GRHPR: variants seen among roughly 807,000 people sequenced by gnomAD.
GRHPR encodes glyoxylate and hydroxypyruvate reductase, also known as glyoxylate reductase/hydroxypyruvate reductase.
GRHPR carries 35 observed loss-of-function variants against 36.8 expected under a neutral mutation model. The observed-to-expected ratio is 0.95, with a 90% CI of 0.73 to 1.26. The LOEUF is 1.26. Among genes scored for constraint, GRHPR ranks in the 50% most tolerant of loss-of-function variants. GRHPR has a pLI of 0.00. For synonymous variants in GRHPR, 179 were observed against 181.0 expected (o/e 0.99, Z 0.09); for missense variants, 380 against 435.0 (o/e 0.87, Z 1.12).
chr9:37,426,208 T>G (rs1823068879), intron 3 of GRHPR: 1 of 609,078 alleles, frequency 1.6e-6, no homozygotes, highest in Non-Finnish European at 2.9e-6. Flanking sequence ...TGGCACCCTT[T>G]CACATTCATT....
intron 8 of GRHPR, chr9:37,434,359 T>A (rs1277035712): frequency 4.1e-6 from 2 of 484,262 alleles, no homozygotes; most frequent in Non-Finnish European, 3.7e-6. Flanking sequence ...GCGGCCCCTG[T>A]GGGGAACAAT....
Position 37,430,583 on chromosome 9 carries a change from G to A in GRHPR, c.671G>A (p.Gly224Glu). 1.2e-6 allele frequency: 2 copies of A among 1,613,616 alleles called. No individual in the cohort carries two copies. The highest frequency in any genetic ancestry group is 1.7e-6 in the Non-Finnish European group (2 of 1,179,508). ...VACSLTPATE[G>E]LCNKDFFQKM... ...TGCTCCTTAACACCTGCAACCGAGGGACTCTGCAACAAGGACTTCTTCCAG... is the reference window on the plus strand; with the variant it reads ...TGCTCCTTAACACCTGCAACCGAGGAACTCTGCAACAAGGACTTCTTCCAG... Residue 224 changes from glycine (G) to glutamate (E), a missense_variant, in exon 7 of 9, where the codon GGA becomes GAA. Transcript: ENST00000318158.
intron 5 of GRHPR, chr9:37,428,896 A>G: frequency 2.2e-6 from 1 of 453,208 alleles, no homozygotes; most frequent in Non-Finnish European, 4.2e-6. Context: ...GAGAGAGCCC[A>G]TTCCCCCGAC....
intron 8 of GRHPR, 109 bp downstream of exon 8, chr9:37,432,247 C>A: frequency 2.0e-6 from 2 of 1,022,042 alleles, no homozygotes; most frequent in Non-Finnish European, 3.0e-6. Context: ...GGTGTTGAAC[C>A]CAAAGGGACA....
intron 8 of GRHPR, 61 bp from the exon 9 acceptor site, chr9:37,436,600 C>T: frequency 6.3e-7 from 1 of 1,598,874 alleles, no homozygotes; most frequent in Admixed American, 1.7e-5. Context: ...TGAAAACAGC[C>T]CAGCTGAAGG....
chr9:37,431,196 GCC>G (rs1823350210), intron 7 of GRHPR: 1 of 368,112 alleles, frequency 2.7e-6, no homozygotes, highest in South Asian at 2.0e-5. Context: ...CCTAGCTGGT[GCC>G]CCTTGAGCCT....
chr9:37,430,717 C>A, intron 7 of GRHPR, 71 bp downstream of exon 7: 1 of 1,450,906 alleles, frequency 6.9e-7, no homozygotes, highest in Non-Finnish European at 9.7e-7. Flanking sequence ...TGGAGATTTT[C>A]TTCCCCGTGG....
At chr9:37,435,857 C>T (rs1175349039) in intron 8 of GRHPR, among the ~76,000 whole-genome samples, 2 of 152,156 alleles carry the variant, frequency 1.3e-5, no homozygotes, top group African/African-American at 2.4e-5. Flanking sequence ...AGGCTGGCCT[C>T]GAACTCTTGG....
chr9:37,437,366 T>C (rs916149758), downstream of GRHPR, among the ~76,000 whole-genome samples: 7 of 152,200 alleles, frequency 4.6e-5, no homozygotes, highest in African/African-American at 1.4e-4. Flanking sequence ...ATTTTCCTTA[T>C]TGGAACGTGT....
At chr9:37,425,247 A>G (rs1823026778) in intron 2 of GRHPR, among the ~76,000 whole-genome samples, 1 of 152,236 alleles carries the variant, frequency 6.6e-6, no homozygotes, top group Non-Finnish European at 1.5e-5. Flanking sequence ...TGGGTTCTCC[A>G]GCCCTGCCAC....
chr9:37,432,175 C>T (rs765692943), intron 8 of GRHPR, 37 bp downstream of exon 8: 3 of 1,605,410 alleles, frequency 1.9e-6, no homozygotes, highest in African/African-American at 1.3e-5. Context: ...CTCCCTGCTG[C>T]CCTGCAGGAC....
chr9:37,422,648 GC>G (rs1357966071), upstream of GRHPR: 22 of 920,898 alleles, frequency 2.4e-5, no homozygotes, highest in African/African-American at 9.8e-5. Flanking sequence ...CACGCCGCGC[GC>G]GACGTCTCTC....
intron 6 of GRHPR, 123 bp from the exon 7 acceptor site, chr9:37,430,388 T>G: frequency 2.4e-6 from 2 of 827,714 alleles, no homozygotes; most frequent in Non-Finnish European, 4.2e-6. Flanking sequence ...AGGTAGAGAC[T>G]CGGCCTTCAG....
chr9:37,431,986 A>C (rs959009520), intron 7 of GRHPR, 22 bp from the exon 8 acceptor site: 14 of 1,613,644 alleles, frequency 8.7e-6, no homozygotes, highest in Non-Finnish European at 1.2e-5. Flanking sequence ...CGGGGTACCC[A>C]TGTCACCACT....
At chr9:37,428,247 A>C (rs573225151) in intron 4 of GRHPR, 3 of 590,282 alleles carry the variant, frequency 5.1e-6, no homozygotes, top group Non-Finnish European at 9.1e-6. Flanking sequence ...GCAAAACAGG[A>C]TGAGAGCCAG....
chr9:37,437,657 C>T (rs765856108), downstream of GRHPR, among the ~76,000 whole-genome samples: 9 of 149,334 alleles, frequency 6.0e-5, no homozygotes, highest in Non-Finnish European at 1.2e-4. Flanking sequence ...CCCATTCTGT[C>T]CCCCCAGCCC....
intron 7 of GRHPR, 81 bp from the exon 8 acceptor site, chr9:37,431,927 C>G: frequency 6.7e-7 from 1 of 1,487,378 alleles, no homozygotes; most frequent in Non-Finnish European, 9.4e-7. Flanking sequence ...TGGAAAAATT[C>G]ATTCTGTAGG....
chr9:37,431,389 A>G (rs1823359506), intron 7 of GRHPR: 6 of 308,436 alleles, frequency 1.9e-5, no homozygotes, highest in Non-Finnish European at 3.2e-5. Flanking sequence ...GCTGCCGTGT[A>G]CTGGGTGCCT....
intron 8 of GRHPR, 123 bp downstream of exon 8, chr9:37,432,261 C>T (rs1439866128): frequency 5.6e-6 from 5 of 893,118 alleles, no homozygotes; most frequent in East Asian, 2.6e-5. Context: ...AGGGACACAC[C>T]AGGGATCGTA....
Sources: gnomAD v4.1 joint callset for allele counts (sites outside exome capture counted in the v4.1 genomes callset) on GRCh38, gnomAD v4.1.1 for gene constraint, MANE v1.5 for transcripts, NCBI Gene and HGNC (gene_info 2026-07-23, HGNC 2026-07-21) for gene names.